Variants in ADAMTS18 observed in about 807,000 individuals in gnomAD.
The protein encoded by ADAMTS18 is ADAM metallopeptidase with thrombospondin type 1 motif 18, also known as A disintegrin and metalloproteinase with thrombospondin motifs 18.
In ADAMTS18, 157 loss-of-function variants were observed where a neutral mutation model predicts 165.9. That is an observed-to-expected ratio of 0.95 (90% CI 0.83 to 1.08). ADAMTS18 has a LOEUF of 1.08. Ranked by LOEUF, ADAMTS18 falls within the 50% of genes least tolerant of loss-of-function variation. ADAMTS18 has a pLI of 0.00. For synonymous variants in ADAMTS18, 782 were observed against 578.2 expected (o/e 1.35, Z -5.06); for missense variants, 2,040 against 1,534.0 (o/e 1.33, Z -5.51).
rs1301728959 is a variant in ADAMTS18 at position 77,300,293 on chromosome 16, G to T, written c.2644C>A (p.Gln882Lys). The T allele has an allele frequency of 6.2e-7, 1 of 1,614,098 alleles. No homozygotes were observed. Among genetic ancestry groups the T allele is most frequent in the South Asian group, 1.1e-5 (1 of 91,086 alleles). ...KRPAYTWSIV[Q>K]SECSVSCGGG... Reference sequence around the variant, plus strand: ...CCACAGGAGACGGAGCACTCTGACTGCACGATACTCCAGGTATAGGCAGGT... The same window carrying T: ...CCACAGGAGACGGAGCACTCTGACTTCACGATACTCCAGGTATAGGCAGGT... The change falls in exon 17 of 23, where the codon CAG (glutamine) becomes AAG (lysine). Residue 882 changes from glutamine (Q) to lysine (K), a missense_variant. Transcript: ENST00000282849.
Position 77,342,928 on chromosome 16 carries a change from G to C in ADAMTS18, c.1615-1129C>G, listed in dbSNP as rs919563699. Among the ~76,000 whole-genome samples the C allele has an allele frequency of 2.6e-5, 4 of 152,114 alleles. No individual in the cohort carries two copies. The South Asian group carries it at 8.3e-4, about 32-fold the overall frequency. ...GAGATGACAGCTTGAGAAAGACCTA[G>C]GAGAATGTTGCTGGCTTTGAAGATG... is the stretch of plus-strand genomic sequence containing the variant. On this transcript the variant is annotated intron_variant, in intron 10 of 22. Transcript: ENST00000282849.
Position 77,283,855 on chromosome 16 carries a change from G to T in ADAMTS18, c.*101C>A, listed in dbSNP as rs779949920. On this transcript the variant is annotated 3_prime_UTR_variant, in exon 23 of 23. Coordinates refer to ENST00000282849, the MANE Select transcript of ADAMTS18 (RefSeq NM_199355.4). ...TCCTTCATCACAGCGGCAGCTCACA[G>T]ATGGTTCTCGGTGCTCAGCTCCTGG... 22 of 909,900 alleles carry T rather than the reference G, an allele frequency of 2.4e-5. No homozygotes were observed. Among genetic ancestry groups the T allele is most frequent in the Non-Finnish European group, 3.6e-5 (20 of 552,184 alleles). The allele number at this position is 909,900 out of a possible 1,614,324, so 56.4% of individuals were successfully genotyped here.
chr16:77,369,122 C>T (rs2056840649), intron 3 of ADAMTS18, among the ~76,000 whole-genome samples: 1 of 152,212 alleles, frequency 6.6e-6, no homozygotes, highest in Non-Finnish European at 1.5e-5. Context: ...CACCCCAAAC[C>T]TGCTGGATCA....
intron 13 of ADAMTS18, among the ~76,000 whole-genome samples, chr16:77,322,893 C>T (rs1378325746): frequency 6.6e-6 from 1 of 152,006 alleles, no homozygotes; most frequent in African/African-American, 2.4e-5. Flanking sequence ...TTTGATGACC[C>T]TGATTTAGAG....
chr16:77,284,063 A>C lies in ADAMTS18; in HGVS notation c.3559T>G (p.Ser1187Ala), dbSNP rs2055200482. ...CPAPEKREDP[S>A]CVDFFNWCHL... is the part of the protein sequence containing the mutation. ...CACCAGTTGAAGAAATCTACGCAGG[A>C]TGGATCCTCTAAAATAAGAAAATAT... The change falls in exon 23 of 23, where the codon TCC becomes GCC. Residue 1187 changes from serine to alanine, a missense_variant. Physicochemically the swap from Ser to Ala is moderately conservative, Grantham distance 99 (BLOSUM62 1). Coordinates refer to ENST00000282849, the MANE Select transcript of ADAMTS18 (RefSeq NM_199355.4). 1 of 1,607,862 alleles carries C rather than the reference A, an allele frequency of 6.2e-7. No individual in the cohort carries two copies. The highest frequency in any genetic ancestry group is 1.3e-5 in the African/African-American group (1 of 74,820).
chr16:77,376,970 A>ACT (rs1193038535), intron 3 of ADAMTS18, among the ~76,000 whole-genome samples: 1 of 151,000 alleles, frequency 6.6e-6, no homozygotes, highest in Non-Finnish European at 1.5e-5. Context: ...GCCCACCACC[A>ACT]CTCTCGGCTA....
In ADAMTS18 at chr16:77,431,583, T is replaced by C. The variant is rs1484779533; in HGVS notation, c.207A>G (p.Val69=). Residue 69 remains valine (V), a synonymous_variant, in exon 3 of 23, where the codon GTA becomes GTG. Coordinates refer to ENST00000282849, the MANE Select transcript of ADAMTS18 (RefSeq NM_199355.4). ...GTGAAATATATGACCCGGCTGAGTC[T>C]ACTTCTACTGGCGTGACAAAGACGT... ...DDYVFVTPVE[V]DSAGSYISHD... is the part of the protein sequence containing the mutation. 4 of 1,614,178 alleles carry C rather than the reference T, an allele frequency of 2.5e-6. No individual in the cohort carries two copies. The highest frequency in any genetic ancestry group is 1.7e-5 in the Admixed American group (1 of 60,018).
chr16:77,417,520 G>A (rs934314270), intron 3 of ADAMTS18, among the ~76,000 whole-genome samples: 4 of 152,192 alleles, frequency 2.6e-5, no homozygotes, highest in Non-Finnish European at 4.4e-5. Flanking sequence ...ACGAAGGGAC[G>A]GCAGAGAAAG....
intron 3 of ADAMTS18, among the ~76,000 whole-genome samples, chr16:77,419,799 G>A (rs866009167): frequency 6.6e-6 from 1 of 151,870 alleles, no homozygotes; most frequent in South Asian, 2.1e-4. Context: ...AGGAGTTCGA[G>A]ACCAGCCTGG....
intron 16 of ADAMTS18, among the ~76,000 whole-genome samples, chr16:77,307,999 T>A (rs1429890089): frequency 3.3e-5 from 5 of 152,142 alleles, no homozygotes; most frequent in Non-Finnish European, 5.9e-5. Context: ...ATAGTAATTT[T>A]CTTTAGATGT....
chr16:77,420,100 T>C (rs1032226714), intron 3 of ADAMTS18, among the ~76,000 whole-genome samples: 2 of 148,108 alleles, frequency 1.4e-5, no homozygotes, highest in African/African-American at 5.0e-5. Flanking sequence ...TTCTTCCATC[T>C]CCACTTTACA....
At chr16:77,314,391 T>C (rs940860466) in intron 16 of ADAMTS18, among the ~76,000 whole-genome samples, 2 of 151,956 alleles carry the variant, frequency 1.3e-5, no homozygotes, top group South Asian at 2.1e-4. Flanking sequence ...GTGGATTACT[T>C]GAGGTCAGGA....
At position 77,319,901 on chromosome 16, in the gene ADAMTS18, C is replaced by A. The variant is rs149031657; in HGVS notation, c.2480G>T (p.Arg827Leu). 1,190 of 1,613,932 alleles carry A rather than the reference C, an allele frequency of 7.4e-4. 2 individuals are homozygous for A. The highest frequency in any genetic ancestry group is 9.1e-4 in the Non-Finnish European group (1,074 of 1,179,938). ...TTFEYQRSFN[R>L]PERLYAPGPT... Reference sequence around the variant, plus strand: ...CCCTGGCGCGTACAGACGTTCCGGGCGGTTGAAAGAGCGCTGGTATTCAAA... The same window carrying A: ...CCCTGGCGCGTACAGACGTTCCGGGAGGTTGAAAGAGCGCTGGTATTCAAA... The change falls in exon 16 of 23, where the codon CGC (arginine) becomes CTC (leucine). Residue 827 changes from arginine to leucine, a missense_variant. By Grantham distance (102) the Arg-to-Leu change is moderately radical. Transcript: ENST00000282849.
chr16:77,377,769 A>AT (rs1339910229), intron 3 of ADAMTS18, among the ~76,000 whole-genome samples: 6 of 152,326 alleles, frequency 3.9e-5, no homozygotes, highest in Admixed American at 3.3e-4. Context: ...TTCTTTAAAA[A>AT]TTTTTTTAAA....
At chr16:77,295,240 C>G (rs1284420750) in intron 18 of ADAMTS18, 113 bp from the exon 19 acceptor site, 6 of 1,060,442 alleles carry the variant, frequency 5.7e-6, no homozygotes, top group Non-Finnish European at 8.5e-6. Context: ...ATTTCAGAAC[C>G]AATAAGATAA....
At chr16:77,345,818 A>G (rs1167879392) in intron 10 of ADAMTS18, among the ~76,000 whole-genome samples, 1 of 152,188 alleles carries the variant, frequency 6.6e-6, no homozygotes, top group African/African-American at 2.4e-5. Flanking sequence ...AGAGCCTTCC[A>G]AATCAACTCA....
intron 11 of ADAMTS18, 144 bp downstream of exon 11, chr16:77,341,560 G>C (rs1330511999): frequency 4.2e-6 from 3 of 710,038 alleles, no homozygotes; most frequent in African/African-American, 3.6e-5. Context: ...CTTTGTAATT[G>C]CTGCTATATA....
intron 3 of ADAMTS18, among the ~76,000 whole-genome samples, chr16:77,412,469 A>G (rs1478371455): frequency 6.6e-6 from 1 of 152,170 alleles, no homozygotes. Flanking sequence ...GTACTACAGA[A>G]GTATGCCACC....
At chr16:77,351,965 C>T (rs977130219) in intron 10 of ADAMTS18, among the ~76,000 whole-genome samples, 14 of 152,052 alleles carry the variant, frequency 9.2e-5, no homozygotes. Flanking sequence ...AACTGCTGGC[C>T]TCAAGTGATC....
Sources: gnomAD v4.1 joint callset for allele counts (sites outside exome capture counted in the v4.1 genomes callset) on GRCh38, gnomAD v4.1.1 for gene constraint, MANE v1.5 for transcripts, NCBI Gene and HGNC (gene_info 2026-07-23, HGNC 2026-07-21) for gene names.